Variants in CARS2 observed in about 807,000 individuals in gnomAD.
The protein encoded by CARS2 is probable cysteine--tRNA ligase, mitochondrial.
A neutral mutation model predicts 68.8 loss-of-function variants in CARS2; 52 were observed. The observed-to-expected ratio is 0.76, with a 90% CI of 0.61 to 0.95. The LOEUF (loss-of-function observed/expected upper bound fraction) is 0.95. Among genes scored for constraint, CARS2 ranks in the 40% least tolerant of loss-of-function variants. CARS2 has a pLI of 0.00. For missense variants in CARS2, 780 were observed against 754.2 expected (o/e 1.03, Z -0.40); for synonymous variants, 314 against 303.6 (o/e 1.03, Z -0.36).
intron 14 of CARS2, 71 bp downstream of exon 14, chr13:110,642,244 C>G (rs1225264085): frequency 8.2e-7 from 1 of 1,223,984 alleles, no homozygotes; most frequent in Non-Finnish European, 1.2e-6. Context: ...GTCTGGGCCT[C>G]TGATGGCCCC....
At chr13:110,666,411 T>G (rs2062649308) in intron 8 of CARS2, 1 of 985,268 alleles carries the variant, frequency 1.0e-6, no homozygotes. Context: ...CTGCTTCATT[T>G]TTAGACAAAA....
Position 110,667,616 on chromosome 13 carries a change from C to T in CARS2, c.786-143G>A, listed in dbSNP as rs1347106306. ...TGCATCAATTTGCATGATAATTTAA[C>T]TGATTCAAATGAAAACTGAAATCCT... On this transcript the variant is annotated intron_variant, in intron 7 of 14. Transcript: ENST00000257347. 7.4e-6 allele frequency: 5 copies of T among 678,328 alleles called. No individual in the cohort carries two copies. In the African/African-American group the frequency reaches 9.3e-5, roughly 13 times the overall value. 42.0% of individuals were successfully genotyped at this position (678,328 alleles called of 1,614,324 possible).
At chr13:110,663,310 G>T in intron 9 of CARS2, 141 bp downstream of exon 9, 1 of 779,902 alleles carries the variant, frequency 1.3e-6, no homozygotes, top group Non-Finnish European at 2.0e-6. Context: ...GTGGGAGGGA[G>T]GTGAGGCAGG....
At chr13:110,664,159 G>C (rs756319888) in intron 8 of CARS2, 4 of 985,086 alleles carry the variant, frequency 4.1e-6, no homozygotes, top group African/African-American at 1.7e-5. Flanking sequence ...CCAAGAGAAG[G>C]GCTTTCTGTT....
intron 2 of CARS2, among the ~76,000 whole-genome samples, chr13:110,703,839 T>C (rs2063861473): frequency 6.6e-6 from 1 of 152,260 alleles, no homozygotes; most frequent in African/African-American, 2.4e-5. Context: ...GGTTATGCTA[T>C]GGTCTGAATG....
intron 3 of CARS2, among the ~76,000 whole-genome samples, chr13:110,691,987 G>GAAAAAAAAA (rs36121848): frequency 3.9e-5 from 3 of 76,850 alleles, no homozygotes; most frequent in East Asian, 3.7e-4. Context: ...AAGCTGTGCA[G>GAAAAAAAAA]AAAAAAAAAA....
At chr13:110,680,096 T>C (rs920994417) in intron 6 of CARS2, among the ~76,000 whole-genome samples, 5 of 134,186 alleles carry the variant, frequency 3.7e-5, no homozygotes, top group Non-Finnish European at 7.8e-5. Context: ...TTCCAGCAAA[T>C]GGGCCAGGCA....
At chr13:110,655,801 G>A (rs1324024467) in intron 9 of CARS2, among the ~76,000 whole-genome samples, 1 of 152,196 alleles carries the variant, frequency 6.6e-6, no homozygotes, top group African/African-American at 2.4e-5. Flanking sequence ...GCATGCATAC[G>A]ACACTGCCTC....
intron 9 of CARS2, among the ~76,000 whole-genome samples, chr13:110,661,594 A>G (rs908159433): frequency 3.9e-5 from 6 of 152,196 alleles, no homozygotes; most frequent in African/African-American, 1.4e-4. Context: ...TGCATTCACA[A>G]CTTAGCTAAA....
chr13:110,674,844 A>T (rs1234974893), intron 7 of CARS2, among the ~76,000 whole-genome samples: 5 of 152,242 alleles, frequency 3.3e-5, no homozygotes, highest in African/African-American at 1.2e-4. Context: ...TCTACAAAGA[A>T]CTTAAACAAA....
At chr13:110,641,928 G>C (rs1239051704) in intron 14 of CARS2, among the ~76,000 whole-genome samples, 2 of 152,232 alleles carry the variant, frequency 1.3e-5, no homozygotes, top group Non-Finnish European at 2.9e-5. Flanking sequence ...TGGGCAGGGC[G>C]CAGTGGCTCA....
intron 12 of CARS2, 48 bp downstream of exon 12, chr13:110,645,919 C>A: frequency 6.3e-7 from 1 of 1,598,576 alleles, no homozygotes; most frequent in Non-Finnish European, 8.5e-7. Context: ...AGGACCCGAC[C>A]CATGCCCCTG....
At position 110,705,538 on chromosome 13, in the gene CARS2, C is replaced by G. The variant is rs553318183; in HGVS notation, c.258G>C (p.Ala86=). 17 of 1,608,526 alleles carry G rather than the reference C, an allele frequency of 1.1e-5. No individual in the cohort carries two copies. The highest frequency in any genetic ancestry group is 1.4e-5 in the Non-Finnish European group (17 of 1,176,886). The change falls in exon 2 of 15, where the codon GCG becomes GCC. Residue 86 remains alanine (A), a synonymous_variant. Transcript: ENST00000257347. This position sits in a 1 kb window ranked among gnomAD's most constrained non-coding sequence, Gnocchi z 4.0. ...AAACTCACCAAGCATGGCCAAGGTGCGCATGATCATATACAGTTGGTCCAC... is the reference window on the plus strand; with the variant it reads ...AAACTCACCAAGCATGGCCAAGGTGGGCATGATCATATACAGTTGGTCCAC... ...YSCGPTVYDH[A]HLGHACSYVR... is the part of the protein sequence containing the mutation.
At chr13:110,651,497 C>A (rs2062213018) in intron 9 of CARS2, among the ~76,000 whole-genome samples, 1 of 152,244 alleles carries the variant, frequency 6.6e-6, no homozygotes. Context: ...CCAGCTCTGG[C>A]CTGCCTGCAA....
At chr13:110,713,377 GCGTTT>G in exon 1 of CARS2, 1 of 1,046,712 alleles carries the variant, frequency 9.6e-7, no homozygotes, top group Non-Finnish European at 1.2e-6. Flanking sequence ...CCGCTCCCCT[GCGTTT>G]CCCAGCGGGC....
chr13:110,689,183 T>C (rs2063387799), intron 3 of CARS2, among the ~76,000 whole-genome samples: 1 of 152,208 alleles, frequency 6.6e-6, no homozygotes, highest in Non-Finnish European at 1.5e-5. Flanking sequence ...AAACTCTACA[T>C]GAACAGATGC....
At chr13:110,662,290 C>G (rs572399965) in intron 9 of CARS2, among the ~76,000 whole-genome samples, 2 of 150,612 alleles carry the variant, frequency 1.3e-5, no homozygotes, top group Admixed American at 6.6e-5. Context: ...TCCGACCCCC[C>G]TCTGCGTCAT....
intron 3 of CARS2, among the ~76,000 whole-genome samples, chr13:110,691,603 C>T (rs2063461096): frequency 1.3e-5 from 2 of 152,120 alleles, no homozygotes; most frequent in Non-Finnish European, 2.9e-5. Flanking sequence ...CTACCTCTGG[C>T]TTATGTTTTT....
intron 7 of CARS2, among the ~76,000 whole-genome samples, chr13:110,675,645 A>G (rs2062925973): frequency 6.6e-6 from 1 of 152,160 alleles, no homozygotes; most frequent in Non-Finnish European, 1.5e-5. Flanking sequence ...AACATGGCAC[A>G]TGTATACAGA....
Sources: gnomAD v4.1 joint callset for allele counts (sites outside exome capture counted in the v4.1 genomes callset) on GRCh38, gnomAD v4.1.1 for gene constraint, Gnocchi (gnomAD v3.1) non-coding constraint, MANE v1.5 for transcripts, NCBI Gene and HGNC (gene_info 2026-07-23, HGNC 2026-07-21) for gene names.